Variants in PCDHA7 observed in about 807,000 individuals in gnomAD.
PCDHA7 encodes the protein protocadherin alpha-7.
Under a neutral mutation model 57.2 loss-of-function variants are expected in PCDHA7, and 37 were observed. That is an observed-to-expected ratio of 0.65 (90% CI 0.50 to 0.85). PCDHA7 has a LOEUF of 0.85. Ranked by LOEUF, PCDHA7 falls within the 40% of genes least tolerant of loss-of-function variation. PCDHA7 has a pLI of 0.00. For synonymous variants in PCDHA7, 553 were observed against 558.8 expected (o/e 0.99, Z 0.15); for missense variants, 1,188 against 1,241.8 (o/e 0.96, Z 0.65).
chr5:140,917,952 GA>G (rs1180047836), intron 1 of PCDHA7, among the ~76,000 whole-genome samples: 1 of 152,002 alleles, frequency 6.6e-6, no homozygotes, highest in Non-Finnish European at 1.5e-5. Flanking sequence ...AGTTTGATAG[GA>G]ACATCATTGA....
At chr5:140,966,731 G>C (rs2096045524) in intron 1 of PCDHA7, 3 of 1,405,020 alleles carry the variant, frequency 2.1e-6, no homozygotes, top group Non-Finnish European at 2.8e-6. Flanking sequence ...TGCCGCCTCC[G>C]GCCCTGCCCG....
At chr5:140,873,615 A>C (rs1487252868) in intron 1 of PCDHA7, among the ~76,000 whole-genome samples, 3 of 152,280 alleles carry the variant, frequency 2.0e-5, no homozygotes, top group African/African-American at 7.2e-5. Context: ...TTGGCTTAAC[A>C]ATTTGTTTAG....
intron 1 of PCDHA7, among the ~76,000 whole-genome samples, chr5:140,903,933 A>G (rs1348730153): frequency 1.3e-5 from 2 of 152,220 alleles, no homozygotes; most frequent in East Asian, 1.9e-4. Context: ...ATTGGATAAT[A>G]CCTCTTAAAT....
At chr5:140,971,096 A>G (rs1240805149) in intron 1 of PCDHA7, among the ~76,000 whole-genome samples, 1 of 152,180 alleles carries the variant, frequency 6.6e-6, no homozygotes, top group African/African-American at 2.4e-5. Context: ...ATTCTTGTGA[A>G]GCCCTTTGGG....
intron 1 of PCDHA7, chr5:140,867,631 G>A (rs1554161429): frequency 1.3e-5 from 2 of 151,978 alleles, no homozygotes; most frequent in African/African-American, 4.8e-5. Flanking sequence ...AAATATTTAA[G>A]CTAGAGTGAT....
rs2150353812 is a variant in PCDHA7, at chr5:140,843,145, G to T, written c.2355+6407G>T. ...ACTCGGGCTACAACGCGTGGCTTTCGTATGAGCTGCAGCCAGCTGCAAGCA... is the reference window on the plus strand; with the variant it reads ...ACTCGGGCTACAACGCGTGGCTTTCTTATGAGCTGCAGCCAGCTGCAAGCA... On this transcript the variant is annotated intron_variant, in intron 1 of 3. Coordinates refer to ENST00000525929, the MANE Select transcript of PCDHA7 (RefSeq NM_018910.3). 3.8e-6 allele frequency: 6 copies of T among 1,596,072 alleles called. 1 individual carries two copies. Among genetic ancestry groups the T allele is most frequent in the Middle Eastern group, 3.4e-4 (2 of 5,956 alleles).
intron 1 of PCDHA7, among the ~76,000 whole-genome samples, chr5:140,899,678 G>C (rs1554188694): frequency 6.6e-6 from 1 of 152,210 alleles, no homozygotes; most frequent in Non-Finnish European, 1.5e-5. Flanking sequence ...TTGGTATCAG[G>C]ATGATGCTGG....
chr5:140,891,344 T>C (rs952306829), intron 1 of PCDHA7, among the ~76,000 whole-genome samples: 2 of 152,166 alleles, frequency 1.3e-5, no homozygotes, highest in East Asian at 1.9e-4. Flanking sequence ...GAGATTTTGG[T>C]GCATCCATCA....
In PCDHA7 at chr5:140,842,887, G is replaced by T; in HGVS notation, c.2355+6149G>T. On this transcript the variant is annotated intron_variant, in intron 1 of 3. Coordinates refer to ENST00000525929, the MANE Select transcript of PCDHA7 (RefSeq NM_018910.3). ...GCGGCAAGGTGTACGCGCTGCAGCC[G>T]CTGGACCACGAGGAGCTAGAGCTGC... The T allele has an allele frequency of 7.5e-6, 12 of 1,594,194 alleles. 3 individuals are homozygous for T. The highest frequency in any genetic ancestry group is 1.1e-5 in the South Asian group (1 of 90,454).
Position 140,973,027 on chromosome 5 carries a change from T to C in PCDHA7, c.2356-5922T>C, listed in dbSNP as rs373487044. On this transcript the variant is annotated intron_variant, in intron 1 of 3. Coordinates refer to ENST00000525929, the MANE Select transcript of PCDHA7 (RefSeq NM_018910.3). ...TCGTGGTGTTGTGATTGTTAATGAG[T>C]CACTTTGAGTACTCTAGTAGATTTG... Among the ~76,000 whole-genome samples the C allele has an allele frequency of 2.6e-5, 4 of 152,042 alleles. No individual in the cohort carries two copies. The East Asian group carries it at 5.8e-4, about 22-fold the overall frequency.
At chr5:140,917,170 G>A (rs1196393398) in intron 1 of PCDHA7, among the ~76,000 whole-genome samples, 1 of 152,184 alleles carries the variant, frequency 6.6e-6, no homozygotes, top group African/African-American at 2.4e-5. Context: ...AGGGGTGATG[G>A]TGGTGATCCC....
chr5:140,928,900 G>A lies in PCDHA7; in HGVS notation c.2356-50049G>A, dbSNP rs782597882. On this transcript the variant is annotated intron_variant, in intron 1 of 3. Coordinates refer to ENST00000525929, the MANE Select transcript of PCDHA7 (RefSeq NM_018910.3). ...TCAGTTACTTCCAGACTTTGAAGATGTCTGGGAACCAGGAGGGCAGCTTTC... is the reference window on the plus strand; with the variant it reads ...TCAGTTACTTCCAGACTTTGAAGATATCTGGGAACCAGGAGGGCAGCTTTC... The A allele has an allele frequency of 3.1e-6, 5 of 1,614,212 alleles. No homozygotes were observed. The South Asian group carries it at 5.5e-5, about 18-fold the overall frequency.
At chr5:140,999,454 A>G (rs1467435215) in intron 3 of PCDHA7, among the ~76,000 whole-genome samples, 1 of 152,206 alleles carries the variant, frequency 6.6e-6, no homozygotes, top group African/African-American at 2.4e-5. Context: ...CGTTCAACGA[A>G]TAAGTGGTGA....
intron 1 of PCDHA7, among the ~76,000 whole-genome samples, chr5:140,934,564 A>T (rs2089922231): frequency 6.6e-6 from 1 of 152,076 alleles, no homozygotes; most frequent in African/African-American, 2.4e-5. Flanking sequence ...TCTTTTTTTT[A>T]ATTAATTGTA....
In PCDHA7 at chr5:140,842,019, T is replaced by C. The variant is rs1554138721; in HGVS notation, c.2355+5281T>C. The C allele has an allele frequency of 1.9e-6, 3 of 1,613,812 alleles. No homozygotes were observed. The highest frequency in any genetic ancestry group is 1.6e-4 in the Middle Eastern group (1 of 6,062). ...ACTGTTCAGCTGCTGGTCACAGTGC[T>C]GGATGTGAATGATAATGCTCCCACT... On this transcript the variant is annotated intron_variant, in intron 1 of 3. Transcript: ENST00000525929.
chr5:140,840,206 A>G (rs1171433900), intron 1 of PCDHA7, among the ~76,000 whole-genome samples: 1 of 152,080 alleles, frequency 6.6e-6, no homozygotes, highest in African/African-American at 2.4e-5. Flanking sequence ...AAAAGAAGTC[A>G]TAAAAATACA....
At chr5:140,991,754 G>A (rs1554252407) in intron 3 of PCDHA7, among the ~76,000 whole-genome samples, 2 of 152,034 alleles carry the variant, frequency 1.3e-5, no homozygotes, top group African/African-American at 4.8e-5. Context: ...TTTCTATCAT[G>A]CTCTTCAAAA....
intron 1 of PCDHA7, among the ~76,000 whole-genome samples, chr5:140,941,216 T>TTTCTTTCTTTCTTTCTTTC (rs2092891567): frequency 8.0e-6 from 1 of 124,950 alleles, no homozygotes; most frequent in East Asian, 2.2e-4. Context: ...TCTTTCTTCC[T>TTTCTTTCTTTCTTTCTTTC]TTCTTTCTTT....
chr5:140,975,578 C>T (rs2096673039), intron 1 of PCDHA7, among the ~76,000 whole-genome samples: 2 of 152,232 alleles, frequency 1.3e-5, no homozygotes, highest in Non-Finnish European at 2.9e-5. Flanking sequence ...TATGCAGTCT[C>T]ATGTCCCAGA....
Sources: gnomAD v4.1 joint callset for allele counts (sites outside exome capture counted in the v4.1 genomes callset) on GRCh38, gnomAD v4.1.1 for gene constraint, MANE v1.5 for transcripts, NCBI Gene and HGNC (gene_info 2026-07-23, HGNC 2026-07-21) for gene names.